Variants in PCCB observed in about 807,000 individuals in gnomAD.
PCCB encodes propionyl-CoA carboxylase beta chain, mitochondrial.
In PCCB, 43 loss-of-function variants were observed where a neutral mutation model predicts 60.7. The observed-to-expected ratio is 0.71, with a 90% CI of 0.55 to 0.91. PCCB has a LOEUF of 0.91. PCCB is among the 40% of genes least tolerant of loss of function. The pLI is 0.00. For missense variants in PCCB, 766 were observed against 702.8 expected (o/e 1.09, Z -1.02); for synonymous variants, 276 against 255.9 (o/e 1.08, Z -0.75).
In PCCB at chr3:136,310,138, C is replaced by T. The variant is rs532615687; in HGVS notation, c.967-6803C>T. Among the ~76,000 whole-genome samples, 342 of 151,618 alleles carry T rather than the reference C, an allele frequency of 2.3e-3. 2 individuals are homozygous for T. The highest frequency in any genetic ancestry group is 4.2e-3 in the Non-Finnish European group (282 of 67,848). On this transcript the variant is annotated intron_variant, in intron 9 of 14. Transcript: ENST00000251654. ...CCGCACTTTGGGAGGCCGAGGTGGG[C>T]GGATCACCTGAGGTCGGGAGTTCGA...
intron 3 of PCCB, among the ~76,000 whole-genome samples, chr3:136,257,012 C>T (rs933269268): frequency 9.9e-5 from 15 of 152,170 alleles, no homozygotes; most frequent in African/African-American, 3.6e-4. Flanking sequence ...GAACCAGAGT[C>T]CCCCTGAGCT....
In PCCB at chr3:136,287,111, A is replaced by T. The variant is rs758219937; in HGVS notation, c.654+3164A>T. 1.0e-3 allele frequency among the ~76,000 whole-genome samples: 158 copies of T among 151,706 alleles called. 2 individuals are homozygous for T. Among genetic ancestry groups the T allele is most frequent in the Admixed American group, 2.2e-3 (34 of 15,244 alleles). On this transcript the variant is annotated intron_variant, in intron 6 of 14. Transcript: ENST00000251654. ...AGCCCTGTCATCATGATCCTTTCTA[A>T]GGATCATTGTAGCCTCCATCCTGCT...
intron 9 of PCCB, among the ~76,000 whole-genome samples, chr3:136,313,554 AAAT>A (rs1184993694): frequency 6.6e-6 from 1 of 152,228 alleles, no homozygotes; most frequent in Non-Finnish European, 1.5e-5. Flanking sequence ...ATACATCAGA[AAAT>A]AATGAGATTA....
chr3:136,314,190 C>T (rs937241193), intron 9 of PCCB, among the ~76,000 whole-genome samples: 11 of 152,040 alleles, frequency 7.2e-5, no homozygotes, highest in African/African-American at 2.4e-4. Flanking sequence ...TTTAGAAGGA[C>T]ACAGGAACCA....
chr3:136,251,035 G>A (rs1941501650), intron 1 of PCCB, among the ~76,000 whole-genome samples: 1 of 152,174 alleles, frequency 6.6e-6, no homozygotes, highest in Non-Finnish European at 1.5e-5. Flanking sequence ...AACATGAAAT[G>A]GGGGATGTGC....
chr3:136,316,976 C>A lies in PCCB; in HGVS notation c.1002C>A (p.Pro334=), dbSNP rs370304541. The change falls in exon 10 of 15, where the codon CCC becomes CCA. Residue 334 remains proline (P), a synonymous_variant. Coordinates refer to ENST00000251654, the MANE Select transcript of PCCB (RefSeq NM_000532.5). ...VDEREFFEIM[P]NYAKNIIVGF... is the part of the protein sequence containing the mutation. ...AGCGTGAATTTTTTGAGATCATGCCCAATTATGCCAAGAACATCATTGTTG... is the reference window on the plus strand; with the variant it reads ...AGCGTGAATTTTTTGAGATCATGCCAAATTATGCCAAGAACATCATTGTTG... The A allele has an allele frequency of 6.2e-7, 1 of 1,613,924 alleles. No individual in the cohort carries two copies. Among genetic ancestry groups the A allele is most frequent in the Admixed American group, 1.7e-5 (1 of 60,006 alleles).
intron 1 of PCCB, 139 bp from the exon 2 acceptor site, chr3:136,255,717 G>A (rs1306861292): frequency 1.3e-6 from 1 of 783,490 alleles, no homozygotes; most frequent in Non-Finnish European, 2.3e-6. Flanking sequence ...ATCTGCCTTG[G>A]GCAGGTTGGA....
intron 1 of PCCB, 75 bp from the exon 2 acceptor site, chr3:136,255,781 T>C: frequency 7.4e-7 from 1 of 1,351,746 alleles, no homozygotes; most frequent in Non-Finnish European, 1.1e-6. Context: ...CTTCAAGCCC[T>C]CCCATGAACA....
chr3:136,254,896 A>T (rs1450856716), intron 1 of PCCB, among the ~76,000 whole-genome samples: 16 of 144,322 alleles, frequency 1.1e-4, no homozygotes, highest in African/African-American at 4.2e-4. Flanking sequence ...TTTTTTTGGG[A>T]CGGAGTTTCA....
chr3:136,271,920 G>A (rs1469017611), intron 5 of PCCB, among the ~76,000 whole-genome samples: 1 of 152,070 alleles, frequency 6.6e-6, no homozygotes, highest in Non-Finnish European at 1.5e-5. Context: ...GGTGAAAGTG[G>A]GCATCCTTGT....
In PCCB at chr3:136,250,421, G is replaced by A; in HGVS notation, c.46G>A (p.Val16Ile). 6.3e-7 allele frequency: 1 copy of A among 1,587,930 alleles called. No homozygotes were observed. Among genetic ancestry groups the A allele is most frequent in the Non-Finnish European group, 8.6e-7 (1 of 1,167,122 alleles). Residue 16 changes from valine to isoleucine, a missense_variant, in exon 1 of 15, where the codon GTT (valine) becomes ATT (isoleucine). Transcript: ENST00000251654. ...GGCGGCGGTCGGGGCAAGGCTCAGC[G>A]TTCTGGCGAGCGGTCTCCGCGCCGC... ...RVAAVGARLS[V>I]LASGLRAAVR...
At chr3:136,256,452 G>A (rs4383459) in intron 2 of PCCB, 103 bp from the exon 3 acceptor site, 12 of 823,470 alleles carry the variant, frequency 1.5e-5, no homozygotes, top group Non-Finnish European at 2.3e-5. Flanking sequence ...TGACGTTTTA[G>A]GAATTTGGGT....
At chr3:136,279,769 G>A (rs1942425654) in intron 5 of PCCB, among the ~76,000 whole-genome samples, 2 of 151,996 alleles carry the variant, frequency 1.3e-5, no homozygotes, top group Admixed American at 6.6e-5. Context: ...CCAGGTTCAC[G>A]CCATTCTCCT....
At chr3:136,281,537 C>G (rs192475085) in intron 5 of PCCB, among the ~76,000 whole-genome samples, 74 of 152,118 alleles carry the variant, frequency 4.9e-4, no homozygotes, top group Admixed American at 4.1e-3. Context: ...TTTTTCCCCC[C>G]ACAGCTTTCT....
intron 5 of PCCB, among the ~76,000 whole-genome samples, chr3:136,272,597 G>C (rs1942229143): frequency 1.3e-5 from 2 of 151,992 alleles, no homozygotes; most frequent in Non-Finnish European, 2.9e-5. Flanking sequence ...GTTTCCACGA[G>C]TTTATCCATT....
chr3:136,291,660 T>G (rs1933695807), intron 6 of PCCB, among the ~76,000 whole-genome samples: 1 of 152,050 alleles, frequency 6.6e-6, no homozygotes, highest in South Asian at 2.1e-4. Flanking sequence ...CTGGCTTGAG[T>G]TTGGTATTTT....
In PCCB at chr3:136,293,764, C is replaced by G. The variant is rs771455499; in HGVS notation, c.663C>G (p.Ser221=). The G allele has an allele frequency of 1.2e-5, 20 of 1,607,248 alleles. No individual in the cohort carries two copies. Among genetic ancestry groups the G allele is most frequent in the Non-Finnish European group, 1.3e-5 (15 of 1,173,868 alleles). The change falls in exon 7 of 15, where the codon TCC becomes TCG. Residue 221 remains serine (S), a synonymous_variant. Transcript: ENST00000251654. ...TDFTFMVKDT[S]YLFITGPDVV... is the part of the protein sequence containing the mutation. Reference sequence around the variant, plus strand: ...GAAATCTTTTATTTCAGGACACCTCCTACCTGTTCATCACTGGCCCTGATG... The same window carrying G: ...GAAATCTTTTATTTCAGGACACCTCGTACCTGTTCATCACTGGCCCTGATG...
chr3:136,308,332 C>T (rs187820215), intron 9 of PCCB, among the ~76,000 whole-genome samples: 72 of 149,552 alleles, frequency 4.8e-4, no homozygotes, highest in Non-Finnish European at 2.7e-4. Context: ...CTCCCAGGTT[C>T]AAGTGATTCT....
chr3:136,303,873 G>C lies in PCCB; in HGVS notation c.966+2762G>C, dbSNP rs545943318. Reference sequence around the variant, plus strand: ...CCTGCCTTGGCCCCACAAAGTGCTGGGATTACAGGTGTGAGCCACCGTGCC... The same window carrying C: ...CCTGCCTTGGCCCCACAAAGTGCTGCGATTACAGGTGTGAGCCACCGTGCC... On this transcript the variant is annotated intron_variant, in intron 9 of 14. Transcript: ENST00000251654. Among the ~76,000 whole-genome samples, 85 of 122,458 alleles carry C rather than the reference G, an allele frequency of 6.9e-4. 9 individuals carry two copies. The highest frequency in any genetic ancestry group is 2.1e-3 in the African/African-American group (83 of 40,224). The allele number at this position is 122,458 out of a possible 152,430, so 80.3% of individuals were successfully genotyped here.
Sources: allele counts gnomAD v4.1 joint callset (sites outside exome capture counted in the v4.1 genomes callset), GRCh38; gene constraint gnomAD v4.1.1; transcripts MANE v1.5; gene names NCBI Gene and HGNC (gene_info 2026-07-23, HGNC 2026-07-21).